Variants in GPCPD1 observed in about 807,000 individuals in gnomAD.
GPCPD1 encodes glycerophosphocholine phosphodiesterase 1, also known as glycerophosphocholine phosphodiesterase GPCPD1.
GPCPD1 carries 29 observed loss-of-function variants against 89.2 expected under a neutral mutation model. The observed-to-expected ratio is 0.33, with a 90% CI of 0.24 to 0.44. GPCPD1 has a LOEUF of 0.44. GPCPD1 is among the 20% of genes least tolerant of loss of function. The pLI, the probability that GPCPD1 is intolerant of heterozygous loss-of-function variation, is 1.00. For missense variants in GPCPD1, 594 were observed against 808.9 expected (o/e 0.73, Z 3.22); for synonymous variants, 258 against 266.3 (o/e 0.97, Z 0.30).
intron 11 of GPCPD1, among the ~76,000 whole-genome samples, chr20:5,573,396 T>C (rs1761614439): frequency 6.6e-6 from 1 of 152,096 alleles, no homozygotes; most frequent in Non-Finnish European, 1.5e-5. Context: ...AGCATTCTTT[T>C]TTGAGATAAT....
Position 5,584,285 on chromosome 20 carries a change from G to T in GPCPD1, c.345C>A (p.Ile115=). ...EIIIDDGQFG[I]HNGVETLDSG... The stretch of plus-strand genomic sequence containing the variant: ...AAGTAAGTCAGTCTCACTTACTGTG[G>T]ATTCCAAATTGTCCATCGTCAATAA... Residue 115 remains isoleucine, a synonymous_variant, in exon 6 of 20, where the codon ATC becomes ATA. Coordinates refer to ENST00000379019, the MANE Select transcript of GPCPD1 (RefSeq NM_019593.5). The T allele has an allele frequency of 7.2e-7, 1 of 1,392,504 alleles. No homozygotes were observed. Among genetic ancestry groups the T allele is most frequent in the Non-Finnish European group, 1.0e-6 (1 of 984,290 alleles). 86.3% of individuals were successfully genotyped at this position (1,392,504 alleles called of 1,614,324 possible). A position where few individuals can be genotyped will look rare whatever the true frequency, so the allele number is the denominator to read the frequency against.
chr20:5,560,044 A>G lies in GPCPD1; in HGVS notation c.1428T>C (p.Tyr476=), dbSNP rs767495025. The change falls in exon 17 of 20, where the codon TAT becomes TAC. Residue 476 remains tyrosine, a synonymous_variant. Coordinates refer to ENST00000379019, the MANE Select transcript of GPCPD1 (RefSeq NM_019593.5). The part of the protein sequence containing the change: ...DGMWDGNLST[Y]FDMNLFLDII... ...TATCCAAAAACAGATTCATGTCAAA[A>G]TATGTTGATAAGTTACCATCCCACA... The G allele has an allele frequency of 6.3e-7, 1 of 1,584,112 alleles. No individual in the cohort carries two copies. Among genetic ancestry groups the G allele is most frequent in the East Asian group, 2.3e-5 (1 of 43,650 alleles).
chr20:5,564,900 C>A (rs1217982206), intron 15 of GPCPD1, 117 bp downstream of exon 15: 9 of 690,756 alleles, frequency 1.3e-5, no homozygotes, highest in Middle Eastern at 2.7e-4. Flanking sequence ...ATGATAAATT[C>A]ATATTAACAT....
rs560308047 is a variant in GPCPD1 at position 5,607,283 on chromosome 20, T to C, written c.-28-2843A>G. On this transcript the variant is annotated intron_variant, in intron 1 of 19. Transcript: ENST00000379019. ...ACCTGGGCAACACAGCGAGACTCTA[T>C]CTCAAAAGAAAAGAAAGAAAGAAAA... 2.0e-5 allele frequency among the ~76,000 whole-genome samples: 3 copies of C among 146,842 alleles called. No individual in the cohort carries two copies. In the South Asian group the frequency reaches 6.5e-4, roughly 32 times the overall value.
At chr20:5,593,176 C>A (rs1352529854) in intron 4 of GPCPD1, 151 bp downstream of exon 4, 10 of 513,066 alleles carry the variant, frequency 1.9e-5, no homozygotes, top group Non-Finnish European at 2.1e-5. Flanking sequence ...GAAGTGGCTA[C>A]TTCCTTGGTT....
intron 4 of GPCPD1, among the ~76,000 whole-genome samples, chr20:5,591,285 T>C (rs150343844): frequency 6.6e-6 from 1 of 152,298 alleles, no homozygotes; most frequent in Non-Finnish European, 1.5e-5. Flanking sequence ...TCTTCTAAAC[T>C]AAAAGGAATA....
At chr20:5,559,409 G>A (rs1461656161) in intron 17 of GPCPD1, among the ~76,000 whole-genome samples, 1 of 152,038 alleles carries the variant, frequency 6.6e-6, no homozygotes, top group Non-Finnish European at 1.5e-5. Context: ...AAGAGGAGGA[G>A]ACCTCATTTC....
At chr20:5,593,450 C>G in intron 3 of GPCPD1, 39 bp from the exon 4 acceptor site, 1 of 1,032,346 alleles carries the variant, frequency 9.7e-7, no homozygotes, top group African/African-American at 1.6e-5. Flanking sequence ...GCATCAATAT[C>G]AAACTACAGT....
chr20:5,608,842 A>C (rs1980767245), intron 1 of GPCPD1, among the ~76,000 whole-genome samples: 1 of 152,262 alleles, frequency 6.6e-6, no homozygotes, highest in Non-Finnish European at 1.5e-5. Flanking sequence ...GAAGAGAAAC[A>C]CTAAATGGCA....
chr20:5,569,903 TC>T (rs1344788104), intron 12 of GPCPD1, among the ~76,000 whole-genome samples: 54 of 152,228 alleles, frequency 3.5e-4, no homozygotes, highest in African/African-American at 1.3e-3. Context: ...ACCTGGAATG[TC>T]CCTTTTTTGT....
At chr20:5,604,206 C>T (rs1200234278) in intron 2 of GPCPD1, among the ~76,000 whole-genome samples, 158 bp downstream of exon 2, 1 of 152,156 alleles carries the variant, frequency 6.6e-6, no homozygotes, top group Non-Finnish European at 1.5e-5. Flanking sequence ...GGTGTGTTTA[C>T]TATGCTCCAA....
At chr20:5,585,269 A>C (rs1978834111) in intron 5 of GPCPD1, 2 of 152,162 alleles carry the variant, frequency 1.3e-5, no homozygotes, top group Admixed American at 1.3e-4. Flanking sequence ...AAATGTATTA[A>C]AACATACAAA....
chr20:5,556,720 G>A (rs1232831555), intron 19 of GPCPD1, among the ~76,000 whole-genome samples: 3 of 151,826 alleles, frequency 2.0e-5, no homozygotes, highest in African/African-American at 7.3e-5. Flanking sequence ...AGAAGCTGAT[G>A]GAAAAAAAAA....
At chr20:5,566,683 T>C (rs760979234) in intron 14 of GPCPD1, 50 bp downstream of exon 14, 1 of 1,092,720 alleles carries the variant, frequency 9.2e-7, no homozygotes, top group Non-Finnish European at 1.4e-6. Flanking sequence ...TTAAAAATCC[T>C]ATTAATGCTA....
At chr20:5,606,884 TCA>T (rs1211992743) in intron 1 of GPCPD1, among the ~76,000 whole-genome samples, 19 of 152,218 alleles carry the variant, frequency 1.2e-4, no homozygotes, top group African/African-American at 4.6e-4. Context: ...AATATTCATC[TCA>T]CAGAGTGCAA....
chr20:5,559,367 C>T (rs1415188807), intron 17 of GPCPD1, among the ~76,000 whole-genome samples: 1 of 152,214 alleles, frequency 6.6e-6, no homozygotes, highest in African/African-American at 2.4e-5. Context: ...AGGAAGCTCA[C>T]TTGAGCCTAA....
chr20:5,586,496 A>C (rs769483094), intron 4 of GPCPD1, among the ~76,000 whole-genome samples: 3 of 152,204 alleles, frequency 2.0e-5, no homozygotes, highest in Non-Finnish European at 4.4e-5. Context: ...AATGAGATGA[A>C]CTGGCACACA....
chr20:5,555,367 T>G (rs1568642329), intron 19 of GPCPD1, among the ~76,000 whole-genome samples: 2 of 152,082 alleles, frequency 1.3e-5, no homozygotes, highest in Non-Finnish European at 2.9e-5. Flanking sequence ...GGTGAAACCC[T>G]GTCTCTACCA....
In GPCPD1 at chr20:5,593,190, G is replaced by T; in HGVS notation, c.231+137C>A. The T allele has an allele frequency of 7.5e-6, 4 of 533,214 alleles. No individual in the cohort carries two copies. The South Asian group carries it at 1.0e-4, about 13-fold the overall frequency. 33.0% of individuals were successfully genotyped at this position (533,214 alleles called of 1,614,324 possible). ...TGAAGTGGCTACTTCCTTGGTTTTGGTAAATTTTATTAATCAAGAGTTCTA... is the reference window on the plus strand; with the variant it reads ...TGAAGTGGCTACTTCCTTGGTTTTGTTAAATTTTATTAATCAAGAGTTCTA... On this transcript the variant is annotated intron_variant, in intron 4 of 19. Transcript: ENST00000379019.
Sources: allele counts gnomAD v4.1 joint callset (sites outside exome capture counted in the v4.1 genomes callset), GRCh38; gene constraint gnomAD v4.1.1; transcripts MANE v1.5; gene names NCBI Gene and HGNC (gene_info 2026-07-23, HGNC 2026-07-21).